Variants in MED16 observed in about 807,000 individuals in gnomAD.
MED16 encodes the protein mediator complex subunit 16.
A neutral mutation model predicts 84.4 loss-of-function variants in MED16; 81 were observed. That is an observed-to-expected ratio of 0.96 (90% confidence interval 0.80 to 1.15). The LOEUF is 1.15. Among genes scored for constraint, MED16 ranks in the 50% most tolerant of loss-of-function variants. The pLI is 0.00. For synonymous variants in MED16, 897 were observed against 552.2 expected (o/e 1.62, Z -8.76); for missense variants, 1,585 against 1,245.9 (o/e 1.27, Z -4.10).
intron 9 of MED16, among the ~76,000 whole-genome samples, chr19:876,136 A>G (rs1568323936): frequency 1.3e-5 from 2 of 149,744 alleles, no homozygotes; most frequent in African/African-American, 4.9e-5. Flanking sequence ...CGTGAATGGG[A>G]TTTTTTTTTT....
chr19:890,339 C>T (rs1259860276), intron 2 of MED16, 95 bp from the exon 3 acceptor site: 1 of 829,450 alleles, frequency 1.2e-6, no homozygotes, highest in Non-Finnish European at 1.8e-6. Flanking sequence ...CGGTGTGTGT[C>T]CCACCCCAGG....
intron 6 of MED16, 41 bp downstream of exon 6, chr19:884,862 G>T (rs372383079): frequency 2.6e-6 from 4 of 1,524,498 alleles, no homozygotes; most frequent in Non-Finnish European, 8.9e-7. Flanking sequence ...AACCGCCCCC[G>T]AGGGCAGGCC....
chr19:871,233 T>G lies in MED16; in HGVS notation c.2119A>C (p.Ser707Arg). 1 of 1,541,640 alleles carries G rather than the reference T, an allele frequency of 6.5e-7. No homozygotes were observed. The highest frequency in any genetic ancestry group is 8.8e-7 in the Non-Finnish European group (1 of 1,140,238). Residue 707 changes from serine to arginine, a missense_variant, in exon 13 of 16, where the codon AGC becomes CGC. Transcript: ENST00000325464. ...TCCACCAGCGCCTCGTCCGGCTCGC[T>G]CGCTGGGCCCTCATCGCGACCTGCG... ...WICCRDEGPA[S>R]EPDEALVDEC... is the part of the protein sequence containing the mutation.
At chr19:878,006 G>C (rs1470257124) in intron 8 of MED16, among the ~76,000 whole-genome samples, 15 of 65,658 alleles carry the variant, frequency 2.3e-4, no homozygotes, top group African/African-American at 1.0e-3. Context: ...CCTTTCCGTG[G>C]TTGTCAACGC....
In MED16 at chr19:868,979, T is replaced by G. The variant is rs1272506019; in HGVS notation, c.2316-33A>C. The G allele has an allele frequency of 2.6e-6, 4 of 1,511,882 alleles. No individual in the cohort carries two copies. The African/African-American group carries it at 4.2e-5, about 16-fold the overall frequency. The allele number at this position is 1,511,882 out of a possible 1,614,324, so 93.7% of individuals were successfully genotyped here. ...GAGAGGGGAGAACGTGAGGGAGGCC[T>G]GGGCACCACGAGGCCAGGTTCCGGC... is the stretch of plus-strand genomic sequence containing the variant. On this transcript the variant is annotated intron_variant, in intron 13 of 15. Transcript: ENST00000325464.
chr19:871,512 A>C (rs1599316298), intron 12 of MED16: 29 of 1,540,126 alleles, frequency 1.9e-5, no homozygotes, highest in Non-Finnish European at 2.4e-5. Context: ...TGTGGGAAGC[A>C]CTGTGCCTTT....
chr19:884,632 C>T (rs2036488125), intron 6 of MED16, among the ~76,000 whole-genome samples: 1 of 152,214 alleles, frequency 6.6e-6, no homozygotes, highest in Non-Finnish European at 1.5e-5. Context: ...TGAGCAACGA[C>T]ACCTCTCAGC....
chr19:880,189 G>T (rs764174508), intron 7 of MED16, 41 bp from the exon 8 acceptor site: 9 of 1,543,442 alleles, frequency 5.8e-6, no homozygotes, highest in Non-Finnish European at 7.8e-6. Flanking sequence ...GCAGGGCCCA[G>T]GACACGCCCG....
chr19:891,820 G>A (rs1477832319), intron 1 of MED16, among the ~76,000 whole-genome samples: 1 of 104,038 alleles, frequency 9.6e-6, no homozygotes, highest in South Asian at 3.7e-4. Flanking sequence ...TGAGTGTGAC[G>A]GGGAACACCT....
At chr19:889,116 C>A (rs965654147) in intron 4 of MED16, among the ~76,000 whole-genome samples, 12 of 138,088 alleles carry the variant, frequency 8.7e-5, no homozygotes, top group Non-Finnish European at 1.7e-4. Context: ...TACTTCTTAA[C>A]TGTCCCCAAC....
chr19:873,538 G>A lies in MED16; in HGVS notation c.1816C>T (p.Leu606=), dbSNP rs564738619. 139 of 1,612,236 alleles carry A rather than the reference G, an allele frequency of 8.6e-5. No individual in the cohort carries two copies. The Middle Eastern group carries it at 2.1e-3, about 25-fold the overall frequency. ...AGCGCCTGCAGTGTGTTCATGTCCA[G>A]CACAAATTCCTCCGTCTTGAGGTTG... ...MINLKTEEFV[L]DMNTLQALQQ... is the part of the protein sequence containing the mutation. The change falls in exon 11 of 16, where the codon CTG becomes TTG. Residue 606 remains leucine, a synonymous_variant. Coordinates refer to ENST00000325464, the MANE Select transcript of MED16 (RefSeq NM_005481.3).
At chr19:890,509 G>C (rs187438493) in intron 2 of MED16, 1 of 411,972 alleles carries the variant, frequency 2.4e-6, no homozygotes, top group Non-Finnish European at 4.3e-6. Context: ...CTCCACAGCA[G>C]ATAATAGGTG....
In MED16 at chr19:876,863, G is replaced by GGC. The variant is rs1178671320; in HGVS notation, c.1560+110_1560+111insGC. 112 of 887,912 alleles carry GGC rather than the reference G, an allele frequency of 1.3e-4. No individual in the cohort carries two copies. In the African/African-American group the frequency reaches 1.9e-3, roughly 15 times the overall value. The allele number at this position is 887,912 out of a possible 1,614,324, so 55.0% of individuals were successfully genotyped here. A position where few individuals can be genotyped will look rare whatever the true frequency, so the allele number is the denominator to read the frequency against. On this transcript the variant is annotated intron_variant, in intron 9 of 15. Transcript: ENST00000325464. The stretch of plus-strand genomic sequence containing the variant: ...ACAGGGACAGCCCCACCTGGCACGG[G>GGC]ACCACCTGCCACGGGGCCCCCACCT...
At chr19:884,833 T>C (rs1292289148) in intron 6 of MED16, 70 bp downstream of exon 6, 4 of 1,258,898 alleles carry the variant, frequency 3.2e-6, no homozygotes, top group Non-Finnish European at 4.5e-6. Context: ...CAGCAAGACC[T>C]GCCTCCAAAA....
intron 4 of MED16, among the ~76,000 whole-genome samples, chr19:888,822 C>T (rs1266379860): frequency 1.3e-5 from 2 of 152,142 alleles, no homozygotes; most frequent in African/African-American, 2.4e-5. Flanking sequence ...CACGAAGGGA[C>T]GAGAGAAAAG....
chr19:872,092 G>C lies in MED16; in HGVS notation c.1932C>G (p.Ser644Arg). 2.5e-6 allele frequency: 4 copies of C among 1,608,236 alleles called. No homozygotes were observed. The highest frequency in any genetic ancestry group is 3.4e-6 in the Non-Finnish European group (4 of 1,177,436). Residue 644 changes from serine (S) to arginine (R), a missense_variant, in exon 12 of 16, where the codon AGC (serine) becomes AGG (arginine). Ser to Arg is a moderately radical substitution (Grantham distance 110, BLOSUM62 -1). Coordinates refer to ENST00000325464, the MANE Select transcript of MED16 (RefSeq NM_005481.3). ...NQGSLLRPGHSFLRDGTSLGM... is the reference protein window; with the variant it reads ...NQGSLLRPGHRFLRDGTSLGM... ...CCAGCGAGGTGCCGTCCCGCAGAAAGCTGTGGCCCGGCCTCAGCAGGGAAC... is the reference window on the plus strand; with the variant it reads ...CCAGCGAGGTGCCGTCCCGCAGAAACCTGTGGCCCGGCCTCAGCAGGGAAC...
intron 11 of MED16, 151 bp downstream of exon 11, chr19:873,297 GA>G: frequency 5.0e-6 from 3 of 596,350 alleles, no homozygotes; most frequent in East Asian, 3.9e-5. Flanking sequence ...GCAGGGGCGG[GA>G]CTCCAAGTAG....
At position 874,112 on chromosome 19, in the gene MED16, T is replaced by C. The variant is rs535246596; in HGVS notation, c.1772-530A>G. On this transcript the variant is annotated intron_variant, in intron 10 of 15. Coordinates refer to ENST00000325464, the MANE Select transcript of MED16 (RefSeq NM_005481.3). ...TCAACCGGGTACTCCAGACAAACGA[T>C]AACCCTAAATTTTTTTTTTGAGACA... 7.2e-5 allele frequency among the ~76,000 whole-genome samples: 11 copies of C among 152,030 alleles called. 1 individual carries two copies. The highest frequency in any genetic ancestry group is 2.2e-4 in the African/African-American group (9 of 41,474).
chr19:872,663 G>C (rs1472429805), intron 11 of MED16, among the ~76,000 whole-genome samples: 1 of 151,808 alleles, frequency 6.6e-6, no homozygotes, highest in Non-Finnish European at 1.5e-5. Flanking sequence ...GGGGGGGTGG[G>C]GGCGAGGTTG....
Sources: gnomAD v4.1 joint callset for allele counts (sites outside exome capture counted in the v4.1 genomes callset) on GRCh38, gnomAD v4.1.1 for gene constraint, MANE v1.5 for transcripts, NCBI Gene and HGNC (gene_info 2026-07-23, HGNC 2026-07-21) for gene names.